Variants in USP3 observed in about 807,000 individuals in gnomAD.
The protein encoded by USP3 is ubiquitin carboxyl-terminal hydrolase 3.
A neutral mutation model predicts 72.3 loss-of-function variants in USP3; 20 were observed. The observed-to-expected ratio is 0.28, with a 90% CI of 0.19 to 0.40. The LOEUF (loss-of-function observed/expected upper bound fraction) is 0.40. Ranked by LOEUF, USP3 falls within the 10% of genes least tolerant of loss-of-function variation. USP3 has a pLI of 1.00. For synonymous variants in USP3, 222 were observed against 225.3 expected (o/e 0.99, Z 0.13); for missense variants, 479 against 633.9 (o/e 0.76, Z 2.62).
At chr15:63,523,359 G>A (rs1463212952) in intron 1 of USP3, among the ~76,000 whole-genome samples, 3 of 152,150 alleles carry the variant, frequency 2.0e-5, no homozygotes, top group East Asian at 1.9e-4. Context: ...CGAACTTAGC[G>A]TAAGGTCATA....
chr15:63,560,565 T>A (rs922438050), intron 7 of USP3, among the ~76,000 whole-genome samples: 2 of 151,926 alleles, frequency 1.3e-5, no homozygotes, highest in Non-Finnish European at 2.9e-5. Flanking sequence ...TGACTATGAA[T>A]CTCATTAGTC....
Position 63,588,478 on chromosome 15 carries a change from C to CT in USP3, c.1215+56dup. The CT allele has an allele frequency of 7.9e-7, 1 of 1,271,528 alleles. No individual in the cohort carries two copies. The highest frequency in any genetic ancestry group is 1.1e-6 in the Non-Finnish European group (1 of 891,854). 78.8% of individuals were successfully genotyped at this position (1,271,528 alleles called of 1,614,324 possible). On this transcript the variant is annotated intron_variant, in intron 12 of 14. Coordinates refer to ENST00000380324, the MANE Select transcript of USP3 (RefSeq NM_006537.4). The surrounding 1 kb of genome is among the most constrained non-coding windows in gnomAD (Gnocchi z 4.6). ...ATTTCAATGGGAAAGTGCTTGACTG[C>CT]TAAGACCATGTCTATAACTTTACAC...
At chr15:63,505,818 C>G (rs1476925181) in intron 1 of USP3, among the ~76,000 whole-genome samples, 1 of 152,118 alleles carries the variant, frequency 6.6e-6, no homozygotes, top group Admixed American at 6.5e-5. Context: ...TAATAGCGTA[C>G]AATTCGAATT....
intron 3 of USP3, among the ~76,000 whole-genome samples, chr15:63,540,319 C>T (rs1015453098): frequency 1.3e-5 from 2 of 152,232 alleles, no homozygotes; most frequent in African/African-American, 2.4e-5. Flanking sequence ...TTCCTGAACT[C>T]ACAGCTCTTG....
At chr15:63,590,148 T>C (rs1196429908) in intron 14 of USP3, among the ~76,000 whole-genome samples, 1 of 152,214 alleles carries the variant, frequency 6.6e-6, no homozygotes, top group Non-Finnish European at 1.5e-5. Context: ...GGAATCATAG[T>C]AAATGATGAG....
chr15:63,541,453 C>T (rs1226732430), intron 3 of USP3, among the ~76,000 whole-genome samples: 1 of 152,054 alleles, frequency 6.6e-6, no homozygotes, highest in Non-Finnish European at 1.5e-5. Flanking sequence ...AAAAATTAGA[C>T]AACAGGGAGA....
chr15:63,545,550 T>C (rs777444442), intron 3 of USP3, among the ~76,000 whole-genome samples: 2 of 152,174 alleles, frequency 1.3e-5, no homozygotes, highest in African/African-American at 2.4e-5. Context: ...ATCTCTAATA[T>C]GTACCCTAGT....
In USP3 at chr15:63,528,616, A is replaced by G. The variant is rs1401892497; in HGVS notation, c.92-4031A>G. Among the ~76,000 whole-genome samples, 1 of 152,122 alleles carries G rather than the reference A, an allele frequency of 6.6e-6. No homozygotes were observed. The highest frequency in any genetic ancestry group is 1.5e-5 in the Non-Finnish European group (1 of 68,004). ...TGTATATGAGTATTTCAGCTATATTATGTTTCATTTAGGGCTTTACAGACG... is the reference window on the plus strand; with the variant it reads ...TGTATATGAGTATTTCAGCTATATTGTGTTTCATTTAGGGCTTTACAGACG... On this transcript the variant is annotated intron_variant, in intron 1 of 14. Coordinates refer to ENST00000380324, the MANE Select transcript of USP3 (RefSeq NM_006537.4). The surrounding 1 kb of genome is among the most constrained non-coding windows in gnomAD (Gnocchi z 4.3).
chr15:63,581,013 C>A (rs1293701412), intron 11 of USP3, among the ~76,000 whole-genome samples: 1 of 152,040 alleles, frequency 6.6e-6, no homozygotes, highest in African/African-American at 2.4e-5. Context: ...ACCATGTTGG[C>A]CAGGCTGGTC....
At chr15:63,569,725 T>C (rs866830282) in intron 8 of USP3, among the ~76,000 whole-genome samples, 26 of 152,220 alleles carry the variant, frequency 1.7e-4, no homozygotes, top group Non-Finnish European at 1.9e-4. Context: ...CTGTTCACTG[T>C]CATTGATCTA....
At chr15:63,537,626 C>T (rs1184944083) in intron 3 of USP3, among the ~76,000 whole-genome samples, 3 of 152,172 alleles carry the variant, frequency 2.0e-5, no homozygotes, top group African/African-American at 4.8e-5. Flanking sequence ...TGCAGTTCCA[C>T]GCTCCTCTTC....
chr15:63,527,624 A>G (rs1193595855), intron 1 of USP3, among the ~76,000 whole-genome samples: 3 of 152,232 alleles, frequency 2.0e-5, no homozygotes, highest in African/African-American at 4.8e-5. Flanking sequence ...ATCAGTGGCT[A>G]TGTAGAAATA....
chr15:63,528,892 G>T lies in USP3; in HGVS notation c.92-3755G>T. The T allele has an allele frequency of 3.3e-6, 2 of 599,316 alleles. No individual in the cohort carries two copies. Among genetic ancestry groups the T allele is most frequent in the South Asian group, 2.0e-5 (1 of 48,924 alleles). The allele number at this position is 599,316 out of a possible 1,614,324, so 37.1% of individuals were successfully genotyped here. A position where few individuals can be genotyped will look rare whatever the true frequency, so the allele number is the denominator to read the frequency against. On this transcript the variant is annotated intron_variant, in intron 1 of 14. Coordinates refer to ENST00000380324, the MANE Select transcript of USP3 (RefSeq NM_006537.4). This position sits in a 1 kb window ranked among gnomAD's most constrained non-coding sequence, Gnocchi z 4.3. ...TTTCAGTCTATTTTATATTTGTCCT[G>T]GGTACATTAAAGGTTCTTAATTTGG... is the stretch of plus-strand genomic sequence containing the variant.
Position 63,591,374 on chromosome 15 carries a change from G to C in USP3, c.*548G>C, listed in dbSNP as rs770462654. On this transcript the variant is annotated 3_prime_UTR_variant, in exon 15 of 15. Coordinates refer to ENST00000380324, the MANE Select transcript of USP3 (RefSeq NM_006537.4). ...CAAAGGGCATCATTAAGTAGACCAG[G>C]TAATTACTGCTTGTCTCTCAAGGCT... is the stretch of plus-strand genomic sequence containing the variant. 1.3e-5 allele frequency: 2 copies of C among 152,282 alleles called. No homozygotes were observed. The highest frequency in any genetic ancestry group is 2.9e-5 in the Non-Finnish European group (2 of 68,120). 9.4% of individuals were successfully genotyped at this position (152,282 alleles called of 1,614,324 possible).
chr15:63,565,075 G>C (rs1046713962), intron 8 of USP3, among the ~76,000 whole-genome samples: 2 of 152,148 alleles, frequency 1.3e-5, no homozygotes, highest in African/African-American at 4.8e-5. Context: ...GGTTTAAAAA[G>C]CCCATTTTCC....
chr15:63,525,211 G>C (rs979957837), intron 1 of USP3, among the ~76,000 whole-genome samples: 39 of 152,304 alleles, frequency 2.6e-4, no homozygotes, highest in African/African-American at 8.7e-4. Flanking sequence ...CCTTGGACCT[G>C]AATTCAGTCT....
intron 8 of USP3, among the ~76,000 whole-genome samples, chr15:63,568,028 G>A (rs747244445): frequency 3.3e-5 from 5 of 152,092 alleles, no homozygotes; most frequent in Non-Finnish European, 5.9e-5. Context: ...TTTGTCTGAC[G>A]TGACAAATGA....
intron 3 of USP3, among the ~76,000 whole-genome samples, chr15:63,549,794 G>C (rs1278204218): frequency 6.6e-6 from 1 of 152,046 alleles, no homozygotes; most frequent in Non-Finnish European, 1.5e-5. Context: ...ATCTATTCCT[G>C]GTTTACTCTT....
intron 1 of USP3, 151 bp from the exon 2 acceptor site, chr15:63,532,496 C>A: frequency 1.3e-6 from 1 of 789,032 alleles, no homozygotes. Flanking sequence ...ATTAGGCAGC[C>A]ATTTTGTGTA....
Sources: allele counts gnomAD v4.1 joint callset (sites outside exome capture counted in the v4.1 genomes callset), GRCh38; gene constraint gnomAD v4.1.1; non-coding constraint Gnocchi (gnomAD v3.1); transcripts MANE v1.5; gene names NCBI Gene and HGNC (gene_info 2026-07-23, HGNC 2026-07-21).